The following RBFOX1 variants were observed in gnomAD, a reference collection of about 807,000 sequenced individuals.
RBFOX1 encodes RNA binding fox-1 homolog 1.
RBFOX1 carries 8 observed loss-of-function variants against 57.7 expected under a neutral mutation model. The ratio of observed to expected loss-of-function variants is 0.14; its 90% CI spans 0.08 to 0.25. The LOEUF (loss-of-function observed/expected upper bound fraction) is 0.25. Among genes scored for constraint, RBFOX1 ranks in the 10% least tolerant of loss-of-function variants. The pLI is 1.00. For synonymous variants in RBFOX1, 326 were observed against 222.4 expected (o/e 1.47, Z -4.15); for missense variants, 611 against 548.5 (o/e 1.11, Z -1.14).
chr16:7,323,201 A>C (rs2096568087), intron 4 of RBFOX1, among the ~76,000 whole-genome samples: 2 of 152,136 alleles, frequency 1.3e-5, no homozygotes, highest in Admixed American at 1.3e-4. Flanking sequence ...AGTTGGGAGG[A>C]TCACTTGATC....
intron 1 of RBFOX1, among the ~76,000 whole-genome samples, chr16:6,312,526 C>T (rs936023584): frequency 6.6e-6 from 1 of 152,122 alleles, no homozygotes; most frequent in Non-Finnish European, 1.5e-5. Flanking sequence ...CTAATGGAGC[C>T]AGGATCAGGC....
intron 1 of RBFOX1, chr16:6,037,509 G>T (rs1596568477): frequency 3.0e-5 from 4 of 133,984 alleles, no homozygotes; most frequent in Admixed American, 8.0e-5. Flanking sequence ...ACTACTGTTG[G>T]TATCTATTGG....
At chr16:6,360,697 C>T (rs761927206) in intron 2 of RBFOX1, among the ~76,000 whole-genome samples, 6 of 152,162 alleles carry the variant, frequency 3.9e-5, no homozygotes, top group Non-Finnish European at 7.3e-5. Context: ...CACAGAAATT[C>T]ATTGACCCAT....
At chr16:6,639,750 G>A (rs966029597) in intron 2 of RBFOX1, among the ~76,000 whole-genome samples, 1 of 152,058 alleles carries the variant, frequency 6.6e-6, no homozygotes, top group Non-Finnish European at 1.5e-5. Flanking sequence ...AAGGTGTTGG[G>A]CGCCTGTAGT....
At chr16:5,755,345 T>G (rs1219181619) in intron 3 of RBFOX1, among the ~76,000 whole-genome samples, 1 of 152,126 alleles carries the variant, frequency 6.6e-6, no homozygotes, top group African/African-American at 2.4e-5. Context: ...TCTCTCTTGC[T>G]TTTCCCCACA....
intron 4 of RBFOX1, among the ~76,000 whole-genome samples, chr16:5,886,060 G>A (rs547122465): frequency 8.5e-5 from 13 of 152,294 alleles, no homozygotes; most frequent in African/African-American, 3.1e-4. Flanking sequence ...CTCCCGCTCT[G>A]CCGTATCAAA....
chr16:6,222,280 G>C (rs536925635), intron 1 of RBFOX1, among the ~76,000 whole-genome samples: 1 of 152,222 alleles, frequency 6.6e-6, no homozygotes, highest in East Asian at 1.9e-4. Context: ...AATTATTTCT[G>C]ACCTTCTTCT....
chr16:5,443,675 C>A lies in RBFOX1; in HGVS notation c.220-23541C>A, dbSNP rs186230694. On this transcript the variant is annotated intron_variant, in intron 1 of 2. Coordinates refer to the RBFOX1 transcript ENST00000585867. ...CTTAACCACTCTAATTTTTATGCCT[C>A]CCCCATATAATAGCTAATATTTACT... 2.8e-3 allele frequency among the ~76,000 whole-genome samples: 424 copies of A among 152,278 alleles called. 10 individuals carry two copies. The highest frequency in any genetic ancestry group is 0.026 in the Admixed American group (391 of 15,278).
At chr16:6,516,516 A>G (rs976815132) in intron 2 of RBFOX1, among the ~76,000 whole-genome samples, 4 of 152,226 alleles carry the variant, frequency 2.6e-5, no homozygotes, top group Admixed American at 6.5e-5. Flanking sequence ...TTCAGAGGAA[A>G]AACTCCTCAA....
At chr16:7,108,053 A>C in intron 4 of RBFOX1, among the ~76,000 whole-genome samples, 1 of 152,168 alleles carries the variant, frequency 6.6e-6, no homozygotes, top group Non-Finnish European at 1.5e-5. Flanking sequence ...GAAAGGATGA[A>C]TCAAGCAAAG....
intron 4 of RBFOX1, among the ~76,000 whole-genome samples, chr16:7,476,172 C>T (rs2062662673): frequency 6.6e-6 from 1 of 152,046 alleles, no homozygotes; most frequent in African/African-American, 2.4e-5. Flanking sequence ...GCTGTTTTGC[C>T]ATGTTGCCCA....
intron 4 of RBFOX1, among the ~76,000 whole-genome samples, chr16:7,096,531 C>A (rs75330646): frequency 0.058 from 8,831 of 152,136 alleles, 346 homozygotes; most frequent in Non-Finnish European, 0.085. Context: ...TTTTCTTGCA[C>A]CTGGATTGAA....
At chr16:5,957,997 C>T (rs1464677809) in intron 4 of RBFOX1, among the ~76,000 whole-genome samples, 1 of 152,100 alleles carries the variant, frequency 6.6e-6, no homozygotes, top group Non-Finnish European at 1.5e-5. Flanking sequence ...CGGTAATTAT[C>T]CTTCTACTCT....
intron 14 of RBFOX1, among the ~76,000 whole-genome samples, chr16:7,706,529 C>T (rs946922418): frequency 6.6e-6 from 1 of 152,202 alleles, no homozygotes; most frequent in Non-Finnish European, 1.5e-5. Context: ...CATATAGTGT[C>T]TCCCCAGAAG....
At chr16:7,365,975 T>C (rs1447891380) in intron 4 of RBFOX1, among the ~76,000 whole-genome samples, 2 of 152,258 alleles carry the variant, frequency 1.3e-5, no homozygotes, top group Non-Finnish European at 2.9e-5. Context: ...AGAAGGTGGG[T>C]GAGAAGACTC....
chr16:6,066,652 G>A (rs1009806353), intron 1 of RBFOX1, among the ~76,000 whole-genome samples: 1 of 152,172 alleles, frequency 6.6e-6, no homozygotes, highest in Non-Finnish European at 1.5e-5. Flanking sequence ...GGATAGCTGA[G>A]CAGAAAGGGC....
At chr16:5,592,347 T>A (rs952853843) in intron 2 of RBFOX1, among the ~76,000 whole-genome samples, 1 of 152,002 alleles carries the variant, frequency 6.6e-6, no homozygotes, top group Non-Finnish European at 1.5e-5. Context: ...TTTAAATCTT[T>A]TGTTTTGAGG....
At chr16:5,829,273 C>G (rs999289734) in intron 3 of RBFOX1, among the ~76,000 whole-genome samples, 2 of 152,102 alleles carry the variant, frequency 1.3e-5, no homozygotes, top group Admixed American at 6.5e-5. Flanking sequence ...AGAGGTTATC[C>G]TGAATGCTAA....
chr16:7,377,173 C>T (rs144393606), intron 4 of RBFOX1, among the ~76,000 whole-genome samples: 2 of 152,240 alleles, frequency 1.3e-5, no homozygotes, highest in Non-Finnish European at 2.9e-5. Context: ...AGATAAAATA[C>T]CAGTTTAAGG....
Sources: gnomAD v4.1 joint callset for allele counts (sites outside exome capture counted in the v4.1 genomes callset) on GRCh38, gnomAD v4.1.1 for gene constraint, MANE v1.5 for transcripts, NCBI Gene and HGNC (gene_info 2026-07-23, HGNC 2026-07-21) for gene names.